ABCB11: variants seen among roughly 807,000 people sequenced by gnomAD.
ABCB11 encodes bile salt export pump.
In ABCB11, 95 loss-of-function variants were observed where a neutral mutation model predicts 148.0. That is an observed-to-expected ratio of 0.64 (90% CI 0.54 to 0.76). The LOEUF is 0.76. ABCB11 is among the 30% of genes least tolerant of loss of function. ABCB11 has a pLI of 0.00. For missense variants in ABCB11, 1,523 were observed against 1,617.8 expected, an observed-to-expected ratio of 0.94 and a Z score of 1.01; for synonymous variants, 591 against 555.4, an observed-to-expected ratio of 1.06 and a Z score of -0.90.
chr2:168,944,888 C>T lies in ABCB11; in HGVS notation c.2417G>A (p.Gly806Asp), dbSNP rs1692230993. ...NGVCLLFVAM[G>D]CVSLFTQFLQ... ...AAATTGGGTGAAAAGAGATACACAG[C>T]CCATTGCTACAAAAAGTAGGCACAC... Residue 806 changes from glycine to aspartate, a missense_variant, in exon 20 of 28, where the codon GGC becomes GAC. By Grantham distance (94) the Gly-to-Asp change is moderately conservative (BLOSUM62 -1). Transcript: ENST00000650372. 1 of 1,581,078 alleles carries T rather than the reference C, an allele frequency of 6.3e-7. No individual in the cohort carries two copies.
chr2:168,944,813 A>G (rs749207092), intron 20 of ABCB11, 44 bp downstream of exon 20: 9 of 1,609,306 alleles, frequency 5.6e-6, no homozygotes, highest in Middle Eastern at 1.7e-4. Flanking sequence ...ATGAGAAAAA[A>G]GGAAAAATAA....
At chr2:168,980,532 T>C (rs180877094) in intron 10 of ABCB11, among the ~76,000 whole-genome samples, 1 of 152,318 alleles carries the variant, frequency 6.6e-6, no homozygotes, top group Admixed American at 6.5e-5. Flanking sequence ...AACAGGTATG[T>C]TTCTAAGTGT....
intron 1 of ABCB11, among the ~76,000 whole-genome samples, chr2:169,023,725 T>C (rs1333875344): frequency 6.6e-6 from 1 of 152,196 alleles, no homozygotes; most frequent in Non-Finnish European, 1.5e-5. Flanking sequence ...CGTAGATATA[T>C]AGATACGCAG....
chr2:168,932,370 C>T lies in ABCB11; in HGVS notation c.3213+7G>A. The T allele has an allele frequency of 4.5e-6, 7 of 1,552,952 alleles. No homozygotes were observed. The highest frequency in any genetic ancestry group is 6.1e-6 in the Non-Finnish European group (7 of 1,147,558). The stretch of plus-strand genomic sequence containing the variant: ...TTTTTATGGCTGCATAGTATTCCAA[C>T]ACTTACCCATTTTTCACCTGCAGTA... On this transcript the variant is annotated splice_region_variant and intron_variant, in intron 24 of 27. Coordinates refer to ENST00000650372, the MANE Select transcript of ABCB11 (RefSeq NM_003742.4).
chr2:168,941,098 C>T (rs1365598222), intron 21 of ABCB11, among the ~76,000 whole-genome samples: 2 of 151,992 alleles, frequency 1.3e-5, no homozygotes, highest in African/African-American at 4.8e-5. Context: ...ATGAATTCTG[C>T]TGCCCATGGG....
intron 3 of ABCB11, among the ~76,000 whole-genome samples, 189 bp downstream of exon 3, chr2:169,016,589 G>T (rs1381873378): frequency 1.3e-5 from 2 of 152,116 alleles, no homozygotes; most frequent in African/African-American, 4.8e-5. Context: ...ACCTAACCTA[G>T]AAGGGATATT....
At chr2:169,030,489 T>C (rs1695833965) in intron 1 of ABCB11, among the ~76,000 whole-genome samples, 1 of 152,240 alleles carries the variant, frequency 6.6e-6, no homozygotes, top group African/African-American at 2.4e-5. Context: ...TAAAAAGTTT[T>C]AGGTATAACC....
intron 23 of ABCB11, among the ~76,000 whole-genome samples, chr2:168,933,950 G>A (rs1337662994): frequency 6.6e-6 from 1 of 151,796 alleles, no homozygotes; most frequent in Non-Finnish European, 1.5e-5. Context: ...ATGAGGTTTC[G>A]CCATGTTGGC....
chr2:168,933,055 G>C (rs1691652140), intron 23 of ABCB11, among the ~76,000 whole-genome samples: 1 of 147,958 alleles, frequency 6.8e-6, no homozygotes, highest in African/African-American at 2.5e-5. Context: ...CTTGCAGTGA[G>C]CCAAGATCGC....
intron 11 of ABCB11, among the ~76,000 whole-genome samples, chr2:168,977,619 G>A (rs1027385234): frequency 3.3e-5 from 5 of 152,190 alleles, no homozygotes; most frequent in South Asian, 2.1e-4. Flanking sequence ...TTTTCACACC[G>A]CTATAAAGAA....
intron 10 of ABCB11, among the ~76,000 whole-genome samples, chr2:168,984,244 T>C (rs760242557): frequency 3.9e-5 from 6 of 152,272 alleles, no homozygotes; most frequent in South Asian, 4.1e-4. Flanking sequence ...CTGTCCTCTA[T>C]AGCATGTCTC....
intron 9 of ABCB11, among the ~76,000 whole-genome samples, chr2:168,990,419 T>C (rs1694473843): frequency 6.6e-6 from 1 of 152,154 alleles, no homozygotes; most frequent in African/African-American, 2.4e-5. Flanking sequence ...TAATCTCTTA[T>C]GATCTTCTGT....
rs1416235000 is a variant in ABCB11, at chr2:168,990,823, C to T, written c.886G>A (p.Gly296Ser). The change falls in exon 9 of 28, where the codon GGT becomes AGT. Residue 296 changes from glycine to serine, a missense_variant. Gly to Ser is a moderately conservative substitution (Grantham distance 56). Transcript: ENST00000650372. ...AACCTTTCAACCTCTCTTTTCTCAC[C>T]ACCAAAAGCAGCCACTGTTCTCATT... is the stretch of plus-strand genomic sequence containing the variant. Reference protein sequence around the residue: ...SSMRTVAAFGGEKREVERYEK... With the variant: ...SSMRTVAAFGSEKREVERYEK... 4 of 1,613,074 alleles carry T rather than the reference C, an allele frequency of 2.5e-6. No individual in the cohort carries two copies. The South Asian group carries it at 4.4e-5, about 18-fold the overall frequency.
intron 2 of ABCB11, 128 bp from the exon 3 acceptor site, chr2:169,016,927 T>TA: frequency 1.4e-6 from 1 of 703,292 alleles, no homozygotes; most frequent in Non-Finnish European, 2.5e-6. Context: ...TATTAGCAAA[T>TA]GACTATTTGC....
intron 7 of ABCB11, 23 bp from the exon 8 acceptor site, chr2:168,993,905 T>C: frequency 6.3e-7 from 1 of 1,578,352 alleles, no homozygotes. Context: ...AAGATTTTGG[T>C]CACTAAAACT....
chr2:168,951,512 T>C (rs1262914999), intron 19 of ABCB11, among the ~76,000 whole-genome samples: 2 of 151,602 alleles, frequency 1.3e-5, no homozygotes, highest in Non-Finnish European at 3.0e-5. Context: ...TTGTAGCTAT[T>C]GTAAATGGGA....
intron 21 of ABCB11, among the ~76,000 whole-genome samples, chr2:168,942,560 A>G (rs1403346268): frequency 1.3e-5 from 2 of 151,872 alleles, no homozygotes; most frequent in South Asian, 4.1e-4. Flanking sequence ...AGCACAATAG[A>G]ATGACTATAA....
chr2:168,927,368 A>G lies in ABCB11; in HGVS notation c.3412-6T>C. On this transcript the variant is annotated splice_region_variant and splice_polypyrimidine_tract_variant and intron_variant, in intron 25 of 27. Coordinates refer to ENST00000650372, the MANE Select transcript of ABCB11 (RefSeq NM_003742.4). ...CTGTCATGACCATCTATCATCTGCC[A>G]ATAGAGGAGATGACAGGTCATTAGG... 1 of 1,609,476 alleles carries G rather than the reference A, an allele frequency of 6.2e-7. No individual in the cohort carries two copies. Among genetic ancestry groups the G allele is most frequent in the Non-Finnish European group, 8.5e-7 (1 of 1,176,040 alleles).
intron 7 of ABCB11, among the ~76,000 whole-genome samples, chr2:168,994,973 G>A (rs1307061721): frequency 6.6e-6 from 1 of 151,964 alleles, no homozygotes; most frequent in Non-Finnish European, 1.5e-5. Context: ...CAGTTCAATA[G>A]GGTTCGACCA....
Sources: gnomAD v4.1 joint callset for allele counts (sites outside exome capture counted in the v4.1 genomes callset) on GRCh38, gnomAD v4.1.1 for gene constraint, MANE v1.5 for transcripts, NCBI Gene and HGNC (gene_info 2026-07-23, HGNC 2026-07-21) for gene names.